The following LRBA variants were observed in gnomAD, a reference collection of about 807,000 sequenced individuals.
LRBA encodes lipopolysaccharide-responsive and beige-like anchor protein.
In LRBA, 176 loss-of-function variants were observed where a neutral mutation model predicts 330.0. That is an observed-to-expected ratio of 0.53 (90% CI 0.47 to 0.60). The LOEUF (loss-of-function observed/expected upper bound fraction) is 0.60, where lower values mean the gene tolerates loss of function less well. Ranked by LOEUF, LRBA falls within the 20% of genes least tolerant of loss-of-function variation. LRBA has a pLI of 0.00. For missense variants in LRBA, 3,259 were observed against 3,444.8 expected (o/e 0.95, Z 1.35); for synonymous variants, 1,230 against 1,193.0 (o/e 1.03, Z -0.64).
chr4:150,931,315 T>A (rs1477966619), intron 2 of LRBA, among the ~76,000 whole-genome samples: 1 of 151,756 alleles, frequency 6.6e-6, no homozygotes, highest in South Asian at 2.1e-4. Context: ...AAAAAAGGCA[T>A]GTATATGAAT....
At chr4:150,716,987 T>C (rs1281176108) in intron 36 of LRBA, among the ~76,000 whole-genome samples, 2 of 152,190 alleles carry the variant, frequency 1.3e-5, no homozygotes, top group Non-Finnish European at 2.9e-5. Flanking sequence ...AGATGTGTTG[T>C]GGTACTGAAA....
intron 40 of LRBA, among the ~76,000 whole-genome samples, chr4:150,513,115 T>A (rs919751945): frequency 1.3e-5 from 2 of 152,150 alleles, no homozygotes; most frequent in Non-Finnish European, 2.9e-5. Flanking sequence ...ATACATTGAA[T>A]GTATGATGGC....
chr4:150,879,865 G>C (rs1728169811), intron 17 of LRBA, among the ~76,000 whole-genome samples: 1 of 152,068 alleles, frequency 6.6e-6, no homozygotes, highest in African/African-American at 2.4e-5. Flanking sequence ...CTACGAATGT[G>C]ATTTTTCACA....
chr4:150,523,948 T>A (rs1336524394), intron 40 of LRBA, among the ~76,000 whole-genome samples: 3 of 152,346 alleles, frequency 2.0e-5, no homozygotes, highest in Non-Finnish European at 4.4e-5. Flanking sequence ...CTTCTTTGCA[T>A]GTCTAGTCAT....
chr4:150,832,827 T>C (rs1202278388), intron 28 of LRBA, among the ~76,000 whole-genome samples: 1 of 152,080 alleles, frequency 6.6e-6, no homozygotes, highest in African/African-American at 2.4e-5. Flanking sequence ...TGGAGTACAA[T>C]GACACAATCA....
intron 26 of LRBA, among the ~76,000 whole-genome samples, chr4:150,847,929 T>G (rs1355148672): frequency 1.3e-5 from 2 of 152,212 alleles, no homozygotes; most frequent in African/African-American, 4.8e-5. Context: ...GTTTAGAACG[T>G]TGTTATTCCA....
In LRBA at chr4:150,563,230, T is replaced by C. The variant is rs532512601; in HGVS notation, c.6330+24818A>G. ...GCTGAAATATTATAGTGTTAGACTC[T>C]CTTTAAAATCTATGTTTTTACACAA... On this transcript the variant is annotated intron_variant, in intron 40 of 56. Coordinates refer to ENST00000651943, the MANE Select transcript of LRBA (RefSeq NM_001364905.1). Among the ~76,000 whole-genome samples the C allele has an allele frequency of 4.6e-5, 7 of 152,240 alleles. No individual in the cohort carries two copies. In the East Asian group the frequency reaches 1.2e-3, roughly 25 times the overall value.
intron 47 of LRBA, among the ~76,000 whole-genome samples, chr4:150,401,040 T>C (rs1195403382): frequency 6.6e-6 from 1 of 152,128 alleles, no homozygotes; most frequent in African/African-American, 2.4e-5. Context: ...TGTTCCCTAA[T>C]CCAATATGAC....
intron 47 of LRBA, among the ~76,000 whole-genome samples, chr4:150,406,544 C>T (rs556576503): frequency 4.6e-5 from 7 of 152,188 alleles, no homozygotes; most frequent in African/African-American, 9.6e-5. Flanking sequence ...AGAGAACTGA[C>T]GTGGCTTTAA....
chr4:150,726,765 G>A (rs571274248), intron 36 of LRBA, among the ~76,000 whole-genome samples: 16 of 152,076 alleles, frequency 1.1e-4, no homozygotes, highest in African/African-American at 3.6e-4. Context: ...TGACACATGG[G>A]GATCATAGGT....
At chr4:150,857,844 T>C (rs1751407192) in intron 22 of LRBA, among the ~76,000 whole-genome samples, 1 of 152,206 alleles carries the variant, frequency 6.6e-6, no homozygotes, top group Non-Finnish European at 1.5e-5. Flanking sequence ...TCAAATGTTA[T>C]ATCAAAGCTG....
intron 40 of LRBA, chr4:150,584,331 A>C: frequency 2.4e-5 from 10 of 421,530 alleles, no homozygotes; most frequent in East Asian, 4.1e-5. Context: ...CTTCCAAACA[A>C]TGTGAATTTA....
At chr4:150,503,767 G>A (rs1380024032) in intron 40 of LRBA, among the ~76,000 whole-genome samples, 2 of 152,182 alleles carry the variant, frequency 1.3e-5, no homozygotes. Flanking sequence ...GTTGAGAGAA[G>A]AAGGCTTCAG....
intron 28 of LRBA, among the ~76,000 whole-genome samples, chr4:150,838,566 C>A (rs1025731260): frequency 3.9e-5 from 6 of 152,228 alleles, no homozygotes; most frequent in Non-Finnish European, 8.8e-5. Flanking sequence ...GACACCCTTT[C>A]TTCCAGTTGA....
At chr4:150,898,775 C>G (rs542237354) in intron 14 of LRBA, among the ~76,000 whole-genome samples, 1 of 152,112 alleles carries the variant, frequency 6.6e-6, no homozygotes, top group South Asian at 2.1e-4. Context: ...AAACTAGCAC[C>G]TAGGACAGTA....
intron 12 of LRBA, 65 bp from the exon 13 acceptor site, chr4:150,906,055 C>A: frequency 1.4e-6 from 2 of 1,410,444 alleles, no homozygotes; most frequent in Non-Finnish European, 9.8e-7. Context: ...TACAGGCTGT[C>A]CCTACCAGGA....
rs529851571 is a variant in LRBA at position 150,815,052 on chromosome 4, C to T, written c.5305+2072G>A. On this transcript the variant is annotated intron_variant, in intron 31 of 56. Coordinates refer to ENST00000651943, the MANE Select transcript of LRBA (RefSeq NM_001364905.1). The stretch of plus-strand genomic sequence containing the variant: ...TAAAAGCAATCAAAGGGTCCTATTT[C>T]CTCTGTTCCTAAACTGAAACTAGAG... Among the ~76,000 whole-genome samples the T allele has an allele frequency of 5.2e-4, 79 of 151,996 alleles. 1 individual carries two copies. In the South Asian group the frequency reaches 8.7e-3, roughly 17 times the overall value.
At chr4:150,809,026 T>G (rs1211285856) in intron 31 of LRBA, among the ~76,000 whole-genome samples, 1 of 152,142 alleles carries the variant, frequency 6.6e-6, no homozygotes, top group Non-Finnish European at 1.5e-5. Flanking sequence ...TAGAAACACA[T>G]CAAGGAAAGC....
intron 37 of LRBA, among the ~76,000 whole-genome samples, chr4:150,612,225 T>C (rs566115989): frequency 6.6e-5 from 10 of 152,280 alleles, no homozygotes; most frequent in African/African-American, 2.4e-4. Context: ...TCACCCTCCA[T>C]AGCATAACAT....
Sources: allele counts gnomAD v4.1 joint callset (sites outside exome capture counted in the v4.1 genomes callset), GRCh38; gene constraint gnomAD v4.1.1; transcripts MANE v1.5; gene names NCBI Gene and HGNC (gene_info 2026-07-23, HGNC 2026-07-21).